The following ARHGEF10 variants were observed in gnomAD, a reference collection of about 807,000 sequenced individuals.
The protein encoded by ARHGEF10 is Rho guanine nucleotide exchange factor (GEF) 10.
A neutral mutation model predicts 147.4 loss-of-function variants in ARHGEF10; 140 were observed. The observed-to-expected ratio is 0.95, with a 90% CI of 0.83 to 1.09. ARHGEF10 has a LOEUF of 1.09. Ranked by LOEUF, ARHGEF10 falls within the 50% of genes least tolerant of loss-of-function variation. The pLI is 0.00. For synonymous variants in ARHGEF10, 902 were observed against 695.8 expected (o/e 1.30, Z -4.67); for missense variants, 2,222 against 1,752.7 (o/e 1.27, Z -4.78).
Position 1,841,760 on chromosome 8 carries a change from T to C in ARHGEF10, c.-47-1593T>C, listed in dbSNP as rs145771280. Among the ~76,000 whole-genome samples the C allele has an allele frequency of 3.8e-3, 581 of 151,102 alleles. 5 individuals are homozygous for C. The highest frequency in any genetic ancestry group is 5.7e-3 in the Admixed American group (86 of 15,190). On this transcript the variant is annotated intron_variant, in intron 1 of 28. Coordinates refer to ENST00000349830, the MANE Select transcript of ARHGEF10 (RefSeq NM_014629.4). ...GCTCGTGGGGAGCCCCAGTGCGTGT[T>C]GAGCTACTCGTGTGCCATGTTGGTG...
At position 1,937,324 on chromosome 8, in the gene ARHGEF10, T is replaced by G. The variant is rs1332437746; in HGVS notation, c.3222+3382T>G. 6.6e-6 allele frequency among the ~76,000 whole-genome samples: 1 copy of G among 152,124 alleles called. No individual in the cohort carries two copies. Among genetic ancestry groups the G allele is most frequent in the East Asian group, 1.9e-4 (1 of 5,174 alleles). On this transcript the variant is annotated intron_variant, in intron 26 of 28. Coordinates refer to ENST00000349830, the MANE Select transcript of ARHGEF10 (RefSeq NM_014629.4). This position sits in a 1 kb window ranked among gnomAD's most constrained non-coding sequence, Gnocchi z 4.9. ...AGCTTCTTGAGTTTTTCACAGCCCT[T>G]GTACCCCATCAGTACAGCCATCCTA...
chr8:1,887,323 T>C (rs887052994), intron 11 of ARHGEF10, among the ~76,000 whole-genome samples: 1 of 152,214 alleles, frequency 6.6e-6, no homozygotes, highest in Non-Finnish European at 1.5e-5. Context: ...TCAGGAGACC[T>C]TGAGGACACA....
intron 18 of ARHGEF10, among the ~76,000 whole-genome samples, chr8:1,916,446 C>T (rs992828876): frequency 3.9e-5 from 6 of 152,174 alleles, no homozygotes; most frequent in Non-Finnish European, 5.9e-5. Context: ...GTGATGTTCA[C>T]GTTATAAAAT....
intron 2 of ARHGEF10, 80 bp downstream of exon 2, chr8:1,843,516 T>G: frequency 9.1e-7 from 1 of 1,098,382 alleles, no homozygotes; most frequent in Non-Finnish European, 1.4e-6. Context: ...CTGGAACCAC[T>G]GAATTGCTGG....
At chr8:1,875,180 G>C (rs1175137071) in intron 7 of ARHGEF10, among the ~76,000 whole-genome samples, 3 of 104,074 alleles carry the variant, frequency 2.9e-5, no homozygotes, top group African/African-American at 1.2e-4. Flanking sequence ...GGAGAGTGCA[G>C]ACACACACGG....
intron 16 of ARHGEF10, among the ~76,000 whole-genome samples, chr8:1,905,092 GCA>G (rs1334053613): frequency 6.6e-6 from 1 of 152,190 alleles, no homozygotes; most frequent in African/African-American, 2.4e-5. Flanking sequence ...TTGTGCGGCT[GCA>G]CTCCAGCCTG....
chr8:1,842,557 C>G (rs1474351091), intron 1 of ARHGEF10, among the ~76,000 whole-genome samples: 1 of 152,234 alleles, frequency 6.6e-6, no homozygotes, highest in Non-Finnish European at 1.5e-5. Context: ...ATGTGCTTTT[C>G]CTGATGCGGC....
At chr8:1,950,732 T>TTTTTTTTTTTTTTTTTTTTTTTTTAG (rs1814970382) in intron 27 of ARHGEF10, among the ~76,000 whole-genome samples, 1 of 1,850 alleles carries the variant, frequency 5.4e-4, no homozygotes, top group Non-Finnish European at 1.7e-3. Flanking sequence ...TTTTTTAGGT[T>TTTTTTTTTTTTTTTTTTTTTTTTTAG]TTTTTTTTTT....
chr8:1,901,930 A>G (rs1033102251), intron 15 of ARHGEF10, among the ~76,000 whole-genome samples: 2 of 152,204 alleles, frequency 1.3e-5, no homozygotes, highest in African/African-American at 2.4e-5. Context: ...GTTGAATTCC[A>G]TGACTACTAA....
At chr8:1,907,332 T>C (rs970864078) in intron 17 of ARHGEF10, among the ~76,000 whole-genome samples, 24 of 152,134 alleles carry the variant, frequency 1.6e-4, no homozygotes, top group African/African-American at 5.8e-4. Flanking sequence ...TGTGGCTGAA[T>C]CCACCCAGCT....
Position 1,858,052 on chromosome 8 carries a change from A to G in ARHGEF10, c.130A>G (p.Arg44Gly). 6.2e-7 allele frequency: 1 copy of G among 1,614,162 alleles called. No individual in the cohort carries two copies. ...TGGAGATGAAATCCCAGAAGCGGAC[A>G]GACAGGCCCCATCCGCCCCTGAGAC... ...DSGDEIPEAD[R>G]QAPSAPETGG... The change falls in exon 3 of 29, where the codon AGA becomes GGA. Residue 44 changes from arginine to glycine, a missense_variant. By Grantham distance (125) the Arg-to-Gly change is moderately radical (BLOSUM62 -2). Coordinates refer to ENST00000349830, the MANE Select transcript of ARHGEF10 (RefSeq NM_014629.4).
intron 25 of ARHGEF10, among the ~76,000 whole-genome samples, chr8:1,931,547 T>C (rs1813146879): frequency 6.6e-6 from 1 of 152,124 alleles, no homozygotes; most frequent in Admixed American, 6.5e-5. Flanking sequence ...CTGTCCGGCG[T>C]ACCGTGTGGG....
chr8:1,869,612 A>C, intron 7 of ARHGEF10: 1 of 372,530 alleles, frequency 2.7e-6, no homozygotes, highest in South Asian at 2.6e-5. Flanking sequence ...ATAGTCAAAG[A>C]AATAACTAAG....
chr8:1,914,662 C>T (rs1172976012), intron 18 of ARHGEF10, among the ~76,000 whole-genome samples: 2 of 152,224 alleles, frequency 1.3e-5, no homozygotes, highest in Non-Finnish European at 2.9e-5. Flanking sequence ...AACAAAATGC[C>T]TCTGTGCTCC....
intron 15 of ARHGEF10, among the ~76,000 whole-genome samples, chr8:1,900,938 C>T (rs1354782247): frequency 2.0e-5 from 3 of 152,258 alleles, no homozygotes; most frequent in Admixed American, 1.3e-4. Flanking sequence ...TCTGACAAAA[C>T]AAACTGCAGA....
At position 1,957,415 on chromosome 8, in the gene ARHGEF10, T is replaced by A; in HGVS notation, c.*152T>A. The A allele has an allele frequency of 9.1e-7, 1 of 1,094,044 alleles. No individual in the cohort carries two copies. Among genetic ancestry groups the A allele is most frequent in the Non-Finnish European group, 1.3e-6 (1 of 767,448 alleles). The allele number at this position is 1,094,044 out of a possible 1,614,324, so 67.8% of individuals were successfully genotyped here. On this transcript the variant is annotated 3_prime_UTR_variant, in exon 29 of 29. Coordinates refer to ENST00000349830, the MANE Select transcript of ARHGEF10 (RefSeq NM_014629.4). ...GAAACGTGCAATAGCGTAATGGTGG[T>A]GTCCCTGCCAATTCCTTCCTTCTCT...
intron 26 of ARHGEF10, among the ~76,000 whole-genome samples, chr8:1,939,966 C>T (rs990454605): frequency 1.3e-5 from 2 of 152,164 alleles, no homozygotes; most frequent in African/African-American, 2.4e-5. Flanking sequence ...GGGTTTTCAG[C>T]GTGGAACAGA....
intron 18 of ARHGEF10, among the ~76,000 whole-genome samples, chr8:1,922,563 A>C (rs986424242): frequency 2.6e-5 from 4 of 152,170 alleles, no homozygotes; most frequent in Middle Eastern, 3.2e-3. Flanking sequence ...CACCGAACGC[A>C]GTGCGAGTCC....
intron 5 of ARHGEF10, among the ~76,000 whole-genome samples, chr8:1,865,874 C>T (rs942476378): frequency 9.2e-5 from 14 of 152,176 alleles, no homozygotes; most frequent in Non-Finnish European, 1.8e-4. Context: ...GACGCGGTGT[C>T]GGGACGACTG....
Sources: allele counts gnomAD v4.1 joint callset (sites outside exome capture counted in the v4.1 genomes callset), GRCh38; gene constraint gnomAD v4.1.1; non-coding constraint Gnocchi (gnomAD v3.1); transcripts MANE v1.5; gene names NCBI Gene and HGNC (gene_info 2026-07-23, HGNC 2026-07-21).